The following XNDC1N variants were observed in gnomAD, a reference collection of about 807,000 sequenced individuals.
XNDC1N encodes protein XNDC1N.
chr11:71,907,129 CA>C, the XNDC1N span, among the ~76,000 whole-genome samples: 2 of 151,994 alleles, frequency 1.3e-5, no homozygotes, highest in African/African-American at 4.8e-5. Flanking sequence ...AGTGTGTAGA[CA>C]CTTGTGACAT....
the XNDC1N span, among the ~76,000 whole-genome samples, chr11:71,892,148 A>C: frequency 6.6e-6 from 1 of 152,144 alleles, no homozygotes; most frequent in African/African-American, 2.4e-5. Flanking sequence ...CTGTGACATG[A>C]GGAGTAATAT....
chr11:71,872,511 C>G, the XNDC1N span, among the ~76,000 whole-genome samples: 10 of 152,134 alleles, frequency 6.6e-5, no homozygotes, highest in African/African-American at 2.4e-4. Context: ...ATCACAAGAT[C>G]AGGAGATCGA....
chr11:71,916,669 C>G, the XNDC1N span: 1 of 176,630 alleles, frequency 5.7e-6, no homozygotes, highest in South Asian at 1.4e-4. Context: ...TACATGCTCA[C>G]GGTATCACAT....
At chr11:71,901,457 G>A in the XNDC1N span, among the ~76,000 whole-genome samples, 1 of 151,942 alleles carries the variant, frequency 6.6e-6, no homozygotes, top group African/African-American at 2.4e-5. Context: ...AAATGAGCCA[G>A]CCGTAGTGGC....
the XNDC1N span, among the ~76,000 whole-genome samples, chr11:71,895,480 T>A: frequency 3.8e-5 from 4 of 106,566 alleles, no homozygotes; most frequent in African/African-American, 3.2e-4. Context: ...TGGCTATTTT[T>A]TTTTTTTTTT....
chr11:71,910,475 G>A, the XNDC1N span, among the ~76,000 whole-genome samples: 1 of 152,188 alleles, frequency 6.6e-6, no homozygotes, highest in African/African-American at 2.4e-5. Context: ...TCTTCGGGGA[G>A]GCGTGGGCTC....
the XNDC1N span, among the ~76,000 whole-genome samples, chr11:71,888,026 G>T: frequency 6.6e-6 from 1 of 152,278 alleles, no homozygotes; most frequent in South Asian, 2.1e-4. Flanking sequence ...GGAGGCGTGG[G>T]CTCGAGACCT....
chr11:71,906,907 A>G, the XNDC1N span, among the ~76,000 whole-genome samples: 1 of 152,134 alleles, frequency 6.6e-6, no homozygotes, highest in Non-Finnish European at 1.5e-5. Context: ...GATATCTTAT[A>G]AGGGTAATAA....
At chr11:71,874,274 C>T in the XNDC1N span, among the ~76,000 whole-genome samples, 2 of 152,208 alleles carry the variant, frequency 1.3e-5, no homozygotes, top group Admixed American at 6.5e-5. Context: ...GAGCAGAGAT[C>T]GCACCATTGC....
At chr11:71,889,806 A>G in the XNDC1N span, among the ~76,000 whole-genome samples, 1 of 152,142 alleles carries the variant, frequency 6.6e-6, no homozygotes, top group South Asian at 2.1e-4. Flanking sequence ...AGATGTCAAA[A>G]TGTGGAGGTA....
the XNDC1N span, among the ~76,000 whole-genome samples, chr11:71,911,565 T>C: frequency 1.4e-4 from 22 of 152,268 alleles, no homozygotes; most frequent in Admixed American, 6.5e-4. Context: ...GCCAGAAAGC[T>C]GAACTCATTG....
chr11:71,868,579 T>A, the XNDC1N span, among the ~76,000 whole-genome samples: 1 of 152,208 alleles, frequency 6.6e-6, no homozygotes, highest in Non-Finnish European at 1.5e-5. Flanking sequence ...TTGGGATTTC[T>A]TGTCTTTAAG....
chr11:71,905,473 C>CG, the XNDC1N span, among the ~76,000 whole-genome samples: 10,932 of 151,866 alleles, frequency 0.072, 631 homozygotes, highest in African/African-American at 0.16. Context: ...TGTGACATTA[C>CG]GGTAACATCT....
chr11:71,884,364 G>T, the XNDC1N span: 1 of 1,490,936 alleles, frequency 6.7e-7, no homozygotes, highest in African/African-American at 1.4e-5. Context: ...AACATAAAAA[G>T]TAAGTAATAT....
the XNDC1N span, among the ~76,000 whole-genome samples, chr11:71,896,117 T>A: frequency 6.6e-6 from 1 of 151,984 alleles, no homozygotes; most frequent in East Asian, 1.9e-4. Context: ...GTCTCCACGG[T>A]AAACACAAAA....
the XNDC1N span, among the ~76,000 whole-genome samples, chr11:71,919,192 G>A: frequency 6.6e-6 from 1 of 151,952 alleles, no homozygotes; most frequent in African/African-American, 2.4e-5. Flanking sequence ...TGTGCCAAGT[G>A]GTTTACAGAT....
chr11:71,871,749 CA>C, the XNDC1N span, among the ~76,000 whole-genome samples: 1 of 152,042 alleles, frequency 6.6e-6, no homozygotes, highest in Non-Finnish European at 1.5e-5. Flanking sequence ...TGGGCATAAA[CA>C]GATGAAAAGA....
the XNDC1N span, among the ~76,000 whole-genome samples, chr11:71,876,572 T>G: frequency 6.6e-6 from 1 of 152,200 alleles, no homozygotes; most frequent in Non-Finnish European, 1.5e-5. Context: ...GGTGCAAACA[T>G]AATTGCGATT....
At chr11:71,922,330 T>A in the XNDC1N span, among the ~76,000 whole-genome samples, 1 of 152,316 alleles carries the variant, frequency 6.6e-6, no homozygotes, top group Admixed American at 6.5e-5. Context: ...TGATACAAGG[T>A]CTTGCTCTGT....
Sources: gnomAD v4.1 joint callset for allele counts (sites outside exome capture counted in the v4.1 genomes callset) on GRCh38, gnomAD v4.1.1 for gene constraint, MANE v1.5 for transcripts, NCBI Gene and HGNC (gene_info 2026-07-23, HGNC 2026-07-21) for gene names.